FAM124B: variants seen among roughly 807,000 people sequenced by gnomAD.
FAM124B encodes the protein family with sequence similarity 124 member B.
Under a neutral mutation model 19.7 loss-of-function variants are expected in FAM124B, and 18 were observed. That is an observed-to-expected ratio of 0.92 (90% CI 0.63 to 1.36). The LOEUF is 1.36. Among genes scored for constraint, FAM124B ranks in the 40% most tolerant of loss-of-function variants. The pLI is 0.00. For missense variants in FAM124B, 540 were observed against 553.3 expected, an observed-to-expected ratio of 0.98 and a Z score of 0.24; for synonymous variants, 223 against 225.2, an observed-to-expected ratio of 0.99 and a Z score of 0.09.
Position 224,396,662 on chromosome 2 carries a change from G to A in FAM124B, c.732+4375C>T, listed in dbSNP as rs541443634. Among the ~76,000 whole-genome samples the A allele has an allele frequency of 2.6e-5, 4 of 152,280 alleles. No homozygotes were observed. The South Asian group carries it at 8.3e-4, about 32-fold the overall frequency. ...CCACAGAACACCACACAGCATCTAG[G>A]GGTAGAAGCCAGAGCCTTTGCCTCG... On this transcript the variant is annotated intron_variant, in intron 1 of 1. Coordinates refer to ENST00000409685, the MANE Select transcript of FAM124B (RefSeq NM_001122779.2).
chr2:224,397,307 G>T lies in FAM124B; in HGVS notation c.732+3730C>A, dbSNP rs117633802. On this transcript the variant is annotated intron_variant, in intron 1 of 1. Transcript: ENST00000409685. ...ACCTACTGCTATCCATGTAAGATGT[G>T]ACTTGCTCCTCTTTGCCTTCCGCCA... is the stretch of plus-strand genomic sequence containing the variant. Among the ~76,000 whole-genome samples, 289 of 152,266 alleles carry T rather than the reference G, an allele frequency of 1.9e-3. 5 individuals carry two copies. In the East Asian group the frequency reaches 0.033, roughly 17 times the overall value.
chr2:224,380,739 T>G (rs1285193611), intron 1 of FAM124B, among the ~76,000 whole-genome samples: 1 of 152,246 alleles, frequency 6.6e-6, no homozygotes, highest in East Asian at 1.9e-4. Flanking sequence ...TCCAGACGGC[T>G]AATAATTTGG....
chr2:224,401,105 G>C lies in FAM124B; in HGVS notation c.664C>G (p.Pro222Ala). 1 of 1,614,138 alleles carries C rather than the reference G, an allele frequency of 6.2e-7. No individual in the cohort carries two copies. Among genetic ancestry groups the C allele is most frequent in the East Asian group, 2.2e-5 (1 of 44,884 alleles). ...CTGGTGCTGCTGATAGGCATGCATG[G>C]ATTGGGTAGCAGAGGCACTAACTGG... Reference protein sequence around the residue: ...IGQLVPLLPNPCMPISSTRWQ... With the variant: ...IGQLVPLLPNACMPISSTRWQ... Residue 222 changes from proline (P) to alanine (A), a missense_variant, in exon 1 of 2, where the codon CCA (proline) becomes GCA (alanine). Physicochemically the swap from Pro to Ala is conservative, Grantham distance 27 (BLOSUM62 -1). Coordinates refer to ENST00000409685, the MANE Select transcript of FAM124B (RefSeq NM_001122779.2).
intron 1 of FAM124B, among the ~76,000 whole-genome samples, chr2:224,388,804 G>T (rs1171463326): frequency 6.6e-6 from 1 of 152,184 alleles, no homozygotes; most frequent in Non-Finnish European, 1.5e-5. Context: ...GTAAGTTTTT[G>T]TCTCACATAT....
chr2:224,401,540 G>C lies in FAM124B; in HGVS notation c.229C>G (p.Pro77Ala), dbSNP rs535939382. 4 of 1,614,018 alleles carry C rather than the reference G, an allele frequency of 2.5e-6. No individual in the cohort carries two copies. Among genetic ancestry groups the C allele is most frequent in the Non-Finnish European group, 3.4e-6 (4 of 1,180,024 alleles). The change falls in exon 1 of 2, where the codon CCG becomes GCG. Residue 77 changes from proline to alanine, a missense_variant. Physicochemically the swap from Pro to Ala is conservative, Grantham distance 27 (BLOSUM62 -1). Coordinates refer to ENST00000409685, the MANE Select transcript of FAM124B (RefSeq NM_001122779.2). ...ACGCGAAATAGCCTATCCTCTCCCG[G>C]GCTTTCGTGCAGGAAGAGCAACACG... The part of the protein sequence containing the change: ...MSVLLFLHES[P>A]GEDRLFRVLD...
At chr2:224,386,998 C>A (rs1226697510) in intron 1 of FAM124B, among the ~76,000 whole-genome samples, 3 of 152,028 alleles carry the variant, frequency 2.0e-5, no homozygotes, top group Non-Finnish European at 4.4e-5. Context: ...AAAGAGAAGT[C>A]TAAGATCCTT....
intron 1 of FAM124B, among the ~76,000 whole-genome samples, chr2:224,395,482 AC>A (rs1689954673): frequency 6.6e-6 from 1 of 152,208 alleles, no homozygotes; most frequent in African/African-American, 2.4e-5. Context: ...TGACACTGTC[AC>A]TACCACCAGA....
In FAM124B at chr2:224,401,216, G is replaced by T; in HGVS notation, c.553C>A (p.Gln185Lys). 6.2e-7 allele frequency: 1 copy of T among 1,614,148 alleles called. No homozygotes were observed. The highest frequency in any genetic ancestry group is 8.5e-7 in the Non-Finnish European group (1 of 1,180,012). ...GGGGGCAGCTGCTTCAGGGAGAGCTGCAGAGCAAAGCTCTTGGAGGCATAG... is the reference window on the plus strand; with the variant it reads ...GGGGGCAGCTGCTTCAGGGAGAGCTTCAGAGCAAAGCTCTTGGAGGCATAG... ...VLYASKSFAL[Q>K]LSLKQLPPGM... Residue 185 changes from glutamine (Q) to lysine (K), a missense_variant, in exon 1 of 2, where the codon CAG becomes AAG. Coordinates refer to ENST00000409685, the MANE Select transcript of FAM124B (RefSeq NM_001122779.2).
intron 1 of FAM124B, among the ~76,000 whole-genome samples, chr2:224,393,573 G>A (rs1689922437): frequency 6.6e-6 from 1 of 152,106 alleles, no homozygotes; most frequent in African/African-American, 2.4e-5. Flanking sequence ...CCCTTATCAA[G>A]GAAAGAAGAC....
In FAM124B at chr2:224,401,188, C is replaced by T; in HGVS notation, c.581G>A (p.Gly194Glu). 1.2e-6 allele frequency: 2 copies of T among 1,614,174 alleles called. No homozygotes were observed. Among genetic ancestry groups the T allele is most frequent in the Non-Finnish European group, 1.7e-6 (2 of 1,180,042 alleles). The change falls in exon 1 of 2, where the codon GGA becomes GAA. Residue 194 changes from glycine (G) to glutamate (E), a missense_variant. Transcript: ENST00000409685. ...LQLSLKQLPP[G>E]MSVDPKESSV... The stretch of plus-strand genomic sequence containing the variant: ...AGACTCTTTGGGGTCCACTGACATT[C>T]CCGGGGGCAGCTGCTTCAGGGAGAG...
Position 224,400,963 on chromosome 2 carries a change from A to G in FAM124B, c.732+74T>C, listed in dbSNP as rs928146593. On this transcript the variant is annotated intron_variant, in intron 1 of 1. Coordinates refer to ENST00000409685, the MANE Select transcript of FAM124B (RefSeq NM_001122779.2). ...TATGCAACCAAGTCTGAGAACCACT[A>G]GCTTAGGCCCATTCCGATGTAAAAT... 7.3e-6 allele frequency: 11 copies of G among 1,505,486 alleles called. No homozygotes were observed. The African/African-American group carries it at 1.3e-4, about 17-fold the overall frequency. 93.3% of individuals were successfully genotyped at this position (1,505,486 alleles called of 1,614,324 possible).
intron 1 of FAM124B, among the ~76,000 whole-genome samples, chr2:224,387,547 CA>C (rs1158274950): frequency 1.3e-5 from 2 of 152,186 alleles, no homozygotes; most frequent in African/African-American, 4.8e-5. Flanking sequence ...CAGACTTTTG[CA>C]ATTAACTGAT....
intron 1 of FAM124B, 141 bp downstream of exon 1, chr2:224,400,896 G>A: frequency 1.8e-6 from 2 of 1,118,426 alleles, no homozygotes; most frequent in Non-Finnish European, 2.5e-6. Context: ...GGATCAAACT[G>A]CCCTGGGGTG....
At chr2:224,386,043 C>T (rs1689796633) in intron 1 of FAM124B, among the ~76,000 whole-genome samples, 1 of 152,220 alleles carries the variant, frequency 6.6e-6, no homozygotes, top group African/African-American at 2.4e-5. Context: ...CCCTACTCTT[C>T]TTAAGATAAA....
intron 1 of FAM124B, among the ~76,000 whole-genome samples, chr2:224,383,285 T>C (rs1689753223): frequency 6.6e-6 from 1 of 152,334 alleles, no homozygotes; most frequent in East Asian, 1.9e-4. Context: ...CCAGAAAAGC[T>C]AGGCTTCGAG....
intron 1 of FAM124B, 25 bp downstream of exon 1, chr2:224,400,993 CAGCTCCATGAGCCTCTACA>C: frequency 1.3e-6 from 2 of 1,535,694 alleles, no homozygotes; most frequent in East Asian, 2.3e-5. Flanking sequence ...TAAAATTACA[CAGCTCCATGAGCCTCTACA>C]AGATCTGAGA....
chr2:224,393,878 C>A (rs879859527), intron 1 of FAM124B, among the ~76,000 whole-genome samples: 18 of 152,150 alleles, frequency 1.2e-4, no homozygotes, highest in Admixed American at 1.1e-3. Flanking sequence ...GGGACGGTTC[C>A]ATAAGCCCGG....
chr2:224,390,661 G>C (rs1038967077), intron 1 of FAM124B, among the ~76,000 whole-genome samples: 1 of 150,930 alleles, frequency 6.6e-6, no homozygotes, highest in Non-Finnish European at 1.5e-5. Flanking sequence ...AAATCACTTG[G>C]AGGAAAGATT....
intron 1 of FAM124B, among the ~76,000 whole-genome samples, chr2:224,390,312 T>C (rs544502572): frequency 9.5e-4 from 143 of 150,864 alleles, no homozygotes; most frequent in South Asian, 1.9e-3. Flanking sequence ...CTCCAGAGAG[T>C]GGATTAATCA....
Sources: allele counts gnomAD v4.1 joint callset (sites outside exome capture counted in the v4.1 genomes callset), GRCh38; gene constraint gnomAD v4.1.1; transcripts MANE v1.5; gene names NCBI Gene and HGNC (gene_info 2026-07-23, HGNC 2026-07-21).